Variants in PAPPA observed in about 807,000 individuals in gnomAD.
PAPPA encodes the protein pappalysin 1.
A neutral mutation model predicts 164.0 loss-of-function variants in PAPPA; 60 were observed. The ratio of observed to expected loss-of-function variants is 0.37; its 90% CI spans 0.30 to 0.45. PAPPA has a LOEUF of 0.45. PAPPA is among the 20% of genes least tolerant of loss of function. The probability of loss-of-function intolerance (pLI) is 1.00; values close to 1 mark genes in which losing one functional copy is unlikely to be tolerated. For missense variants in PAPPA, 1,782 were observed against 2,087.3 expected (o/e 0.85, Z 2.85); for synonymous variants, 875 against 814.1 (o/e 1.07, Z -1.27).
intron 5 of PAPPA, among the ~76,000 whole-genome samples, chr9:116,223,015 T>C (rs573187535): frequency 1.3e-5 from 2 of 152,364 alleles, no homozygotes; most frequent in Admixed American, 1.3e-4. Flanking sequence ...GAAACCTATT[T>C]GATCACAGTA....
At chr9:116,244,522 A>C (rs1462122878) in intron 7 of PAPPA, among the ~76,000 whole-genome samples, 1 of 152,238 alleles carries the variant, frequency 6.6e-6, no homozygotes, top group Non-Finnish European at 1.5e-5. Flanking sequence ...AATAGTACAC[A>C]CAAAATTATA....
At position 116,211,249 on chromosome 9, in the gene PAPPA, T is replaced by A. The variant is rs561209499; in HGVS notation, c.1625-390T>A. ...AGGGCTTTGTCTAGACAAGAATATGTAGAATATTTGGAAATAAGAGTAGGC... is the reference window on the plus strand; with the variant it reads ...AGGGCTTTGTCTAGACAAGAATATGAAGAATATTTGGAAATAAGAGTAGGC... On this transcript the variant is annotated intron_variant, in intron 3 of 21. Transcript: ENST00000328252. Among the ~76,000 whole-genome samples the A allele has an allele frequency of 2.0e-5, 3 of 152,232 alleles. No homozygotes were observed. The East Asian group carries it at 5.8e-4, about 29-fold the overall frequency.
chr9:116,238,825 A>G (rs1844704069), intron 7 of PAPPA, among the ~76,000 whole-genome samples: 1 of 152,116 alleles, frequency 6.6e-6, no homozygotes, highest in Admixed American at 6.5e-5. Context: ...AGAGAAACAC[A>G]TCCTTCCAAA....
chr9:116,390,479 T>C (rs73518555), intron 21 of PAPPA, among the ~76,000 whole-genome samples: 4,455 of 152,096 alleles, frequency 0.029, 209 homozygotes, highest in African/African-American at 0.1. Context: ...GCCAGGGAGA[T>C]TGAACTTTAT....
intron 7 of PAPPA, among the ~76,000 whole-genome samples, chr9:116,238,265 AC>A (rs1409972990): frequency 6.6e-6 from 1 of 152,184 alleles, no homozygotes; most frequent in Non-Finnish European, 1.5e-5. Context: ...CATCAGTATC[AC>A]CTGGGAACTG....
intron 9 of PAPPA, among the ~76,000 whole-genome samples, chr9:116,277,218 T>C (rs1027979572): frequency 6.6e-6 from 1 of 152,152 alleles, no homozygotes; most frequent in Non-Finnish European, 1.5e-5. Flanking sequence ...TTCTCCAGAC[T>C]GCATGTATTC....
At chr9:116,334,251 A>AAC (rs1426367108) in intron 12 of PAPPA, among the ~76,000 whole-genome samples, 4 of 150,994 alleles carry the variant, frequency 2.6e-5, no homozygotes, top group African/African-American at 7.3e-5. Context: ...AAAAAAAAAA[A>AAC]AAAAAAAAAC....
chr9:116,172,668 C>A (rs1338394826), intron 1 of PAPPA, among the ~76,000 whole-genome samples: 3 of 152,216 alleles, frequency 2.0e-5, no homozygotes, highest in African/African-American at 7.2e-5. Context: ...TTACAGTGTT[C>A]TTGGCCTCCT....
intron 1 of PAPPA, among the ~76,000 whole-genome samples, chr9:116,181,680 A>G (rs752916439): frequency 6.6e-6 from 1 of 152,224 alleles, no homozygotes; most frequent in Non-Finnish European, 1.5e-5. Flanking sequence ...CAGTATCGAC[A>G]TTGGAAGTTA....
intron 19 of PAPPA, chr9:116,373,650 C>T (rs1271365887): frequency 6.6e-6 from 1 of 152,106 alleles, no homozygotes; most frequent in Non-Finnish European, 1.5e-5. Flanking sequence ...CCCACTCCAA[C>T]ATTTGTCTCA....
intron 1 of PAPPA, among the ~76,000 whole-genome samples, chr9:116,160,076 C>T (rs1229439833): frequency 6.6e-6 from 1 of 152,156 alleles, no homozygotes; most frequent in Non-Finnish European, 1.5e-5. Context: ...CGGGTGTTTC[C>T]CAAAGCCTTC....
intron 2 of PAPPA, among the ~76,000 whole-genome samples, chr9:116,206,203 C>T (rs1293932778): frequency 6.6e-6 from 1 of 152,120 alleles, no homozygotes; most frequent in Non-Finnish European, 1.5e-5. Context: ...GTCAGCTACA[C>T]CTAGACATAA....
intron 7 of PAPPA, among the ~76,000 whole-genome samples, chr9:116,243,293 A>T (rs1564196561): frequency 6.6e-6 from 1 of 152,234 alleles, no homozygotes; most frequent in Non-Finnish European, 1.5e-5. Context: ...GCTTAAATTT[A>T]GTCACTGTGT....
rs1299444285 is a variant in PAPPA, at chr9:116,235,144, C to G, written c.2239C>G (p.Pro747Ala). 1 of 1,614,136 alleles carries G rather than the reference C, an allele frequency of 6.2e-7. No individual in the cohort carries two copies. The highest frequency in any genetic ancestry group is 1.7e-5 in the Admixed American group (1 of 60,012). ...HWSPREAEGH[P>A]DVEQPCKSSV... Reference sequence around the variant, plus strand: ...CCCTCATCTCTTCTGCATAGGTCATCCTGATGTTGAACAGCCCTGTAAGTC... The same window carrying G: ...CCCTCATCTCTTCTGCATAGGTCATGCTGATGTTGAACAGCCCTGTAAGTC... The change falls in exon 7 of 22, where the codon CCT becomes GCT. Residue 747 changes from proline (P) to alanine (A), a missense_variant. Around this residue, in one of 2 missense-constraint regions of PAPPA, gnomAD observed 1,324 missense variants for 1,656.9 expected, o/e 0.80. Coordinates refer to ENST00000328252, the MANE Select transcript of PAPPA (RefSeq NM_002581.5).
chr9:116,159,509 A>T (rs1015194448), intron 1 of PAPPA, among the ~76,000 whole-genome samples: 2 of 152,144 alleles, frequency 1.3e-5, no homozygotes, highest in African/African-American at 4.8e-5. Flanking sequence ...ACATGCTAGG[A>T]TTACCCCTCT....
intron 10 of PAPPA, among the ~76,000 whole-genome samples, chr9:116,325,491 A>G (rs1367927977): frequency 6.6e-6 from 1 of 152,152 alleles, no homozygotes; most frequent in Non-Finnish European, 1.5e-5. Context: ...TCTACTGTCC[A>G]TGGACGGTAT....
intron 19 of PAPPA, among the ~76,000 whole-genome samples, chr9:116,371,554 A>G (rs899628786): frequency 1.3e-5 from 2 of 151,886 alleles, no homozygotes; most frequent in African/African-American, 4.8e-5. Context: ...ATAAATAAAA[A>G]CTTTACAGAT....
chr9:116,298,762 T>G (rs975230484), intron 9 of PAPPA, among the ~76,000 whole-genome samples: 4 of 152,198 alleles, frequency 2.6e-5, no homozygotes, highest in Non-Finnish European at 5.9e-5. Flanking sequence ...CACATGAATG[T>G]GTATGTCTGT....
intron 14 of PAPPA, among the ~76,000 whole-genome samples, chr9:116,346,505 G>A (rs1846211482): frequency 6.6e-6 from 1 of 152,110 alleles, no homozygotes; most frequent in Non-Finnish European, 1.5e-5. Context: ...AAAACATGGA[G>A]GTCTCCTATA....
Sources: allele counts gnomAD v4.1 joint callset (sites outside exome capture counted in the v4.1 genomes callset), GRCh38; gene constraint gnomAD v4.1.1; regional missense constraint gnomAD v4.1.1; transcripts MANE v1.5; gene names NCBI Gene and HGNC (gene_info 2026-07-23, HGNC 2026-07-21).